The following LRRC3B variants were observed in gnomAD, a reference collection of about 807,000 sequenced individuals.
LRRC3B encodes the protein leucine rich repeat containing 3B, also known as leucine-rich repeat-containing protein 3B.
A neutral mutation model predicts 12.8 loss-of-function variants in LRRC3B; 2 were observed. The observed-to-expected ratio is 0.16, with a 90% CI of 0.06 to 0.49. The LOEUF (loss-of-function observed/expected upper bound fraction) is 0.49, where lower values mean the gene tolerates loss of function less well. Among genes scored for constraint, LRRC3B ranks in the 20% least tolerant of loss-of-function variants. LRRC3B has a pLI of 0.96. For synonymous variants in LRRC3B, 132 were observed against 122.0 expected (o/e 1.08, Z -0.54); for missense variants, 189 against 319.4 (o/e 0.59, Z 3.11).
intron 1 of LRRC3B, among the ~76,000 whole-genome samples, chr3:26,639,230 C>T (rs1226705946): frequency 1.3e-5 from 2 of 152,006 alleles, no homozygotes; most frequent in East Asian, 3.9e-4. Context: ...ATATACTTAA[C>T]CCAGTATATT....
intron 1 of LRRC3B, among the ~76,000 whole-genome samples, chr3:26,666,863 G>A (rs1055886681): frequency 6.6e-4 from 101 of 152,194 alleles, no homozygotes; most frequent in African/African-American, 2.2e-3. Context: ...GACCTTGACA[G>A]TTGTGAAGAG....
At position 26,636,967 on chromosome 3, in the gene LRRC3B, T is replaced by TC. The variant is rs1491456641; in HGVS notation, c.-161+13730_-161+13731insC. ...CTTTCTTTCTTTCTTTCTTTCTTTC[T>TC]TTCTTTCTCTCTCTCTCTTTCTCTC... is the stretch of plus-strand genomic sequence containing the variant. On this transcript the variant is annotated intron_variant, in intron 1 of 1. Transcript: ENST00000396641. 1.3e-3 allele frequency among the ~76,000 whole-genome samples: 150 copies of TC among 115,402 alleles called. 1 individual carries two copies. The highest frequency in any genetic ancestry group is 2.2e-3 in the Non-Finnish European group (128 of 57,478). 75.7% of individuals were successfully genotyped at this position (115,402 alleles called of 152,430 possible). A position where few individuals can be genotyped will look rare whatever the true frequency, so the allele number is the denominator to read the frequency against.
intron 1 of LRRC3B, among the ~76,000 whole-genome samples, chr3:26,628,806 G>A (rs763662945): frequency 3.4e-5 from 5 of 148,858 alleles, no homozygotes; most frequent in Non-Finnish European, 4.4e-5. Context: ...AATAGTAAGG[G>A]CCATTTAGTT....
chr3:26,698,159 G>A (rs17018559), intron 1 of LRRC3B, among the ~76,000 whole-genome samples: 18,685 of 152,142 alleles, frequency 0.12, 1,437 homozygotes, highest in Non-Finnish European at 0.17. Flanking sequence ...ACTAGGAGTG[G>A]TAGTAGCAGT....
chr3:26,627,645 C>T (rs1450898700), intron 1 of LRRC3B, among the ~76,000 whole-genome samples: 3 of 152,022 alleles, frequency 2.0e-5, no homozygotes, highest in Non-Finnish European at 4.4e-5. Context: ...TTCCTACCCT[C>T]GACCTCAGTC....
chr3:26,702,447 GCTATT>G (rs1441980967), intron 1 of LRRC3B, among the ~76,000 whole-genome samples: 1 of 151,868 alleles, frequency 6.6e-6, no homozygotes. Context: ...AATCAGGAAA[GCTATT>G]CTACAGTGTA....
intron 1 of LRRC3B, among the ~76,000 whole-genome samples, chr3:26,682,513 A>G (rs1318628570): frequency 6.6e-6 from 1 of 152,188 alleles, no homozygotes; most frequent in Non-Finnish European, 1.5e-5. Flanking sequence ...AGTTATTCAT[A>G]ACTACATTTC....
At chr3:26,651,640 A>G (rs970412498) in intron 1 of LRRC3B, among the ~76,000 whole-genome samples, 1 of 152,232 alleles carries the variant, frequency 6.6e-6, no homozygotes, top group African/African-American at 2.4e-5. Context: ...GTAGTAACAT[A>G]TTCTGAAGAG....
In LRRC3B at chr3:26,636,916, CTCTTTCTTTCTTTCTTTCTT is replaced by C. The variant is rs559017147; in HGVS notation, c.-161+13719_-161+13738del. On this transcript the variant is annotated intron_variant, in intron 1 of 1. Transcript: ENST00000396641. ...TCTCTCTCTCTCTTTCTCTCTTTCT[CTCTTTCTTTCTTTCTTTCTT>C]TCTTTCTTTCTTTCTTTCTTTCTTT... 1.6e-3 allele frequency among the ~76,000 whole-genome samples: 114 copies of C among 71,094 alleles called. 1 individual carries two copies. Among genetic ancestry groups the C allele is most frequent in the South Asian group, 2.7e-3 (4 of 1,486 alleles). 46.6% of individuals were successfully genotyped at this position (71,094 alleles called of 152,430 possible).
chr3:26,695,998 G>T (rs1700306254), intron 1 of LRRC3B, among the ~76,000 whole-genome samples: 1 of 152,132 alleles, frequency 6.6e-6, no homozygotes, highest in South Asian at 2.1e-4. Context: ...TTCCCATTTT[G>T]TTATCAGCTG....
At chr3:26,710,530 T>C in exon 2 of LRRC3B, 1 of 1,381,498 alleles carries the variant, frequency 7.2e-7, no homozygotes, top group South Asian at 1.5e-5. Flanking sequence ...ACTTCTCCCA[T>C]CCATTGTAAA....
At chr3:26,625,366 G>C (rs1311762196) in intron 1 of LRRC3B, 4 of 152,236 alleles carry the variant, frequency 2.6e-5, no homozygotes, top group African/African-American at 9.6e-5. Context: ...CTGCCTAGCG[G>C]TGGCAAACTC....
At chr3:26,677,226 TATC>T (rs985200201) in intron 1 of LRRC3B, among the ~76,000 whole-genome samples, 2 of 152,114 alleles carry the variant, frequency 1.3e-5, no homozygotes, top group African/African-American at 2.4e-5. Flanking sequence ...ATAAGGCACT[TATC>T]ATACAAGGAA....
At chr3:26,706,789 A>G (rs73059384) in intron 1 of LRRC3B, among the ~76,000 whole-genome samples, 45,040 of 152,102 alleles carry the variant, frequency 0.3, 7,218 homozygotes, top group Middle Eastern at 0.41. Flanking sequence ...GAGCCTGAAC[A>G]TATATGACTT....
intron 1 of LRRC3B, among the ~76,000 whole-genome samples, chr3:26,705,266 G>C (rs1009432378): frequency 2.0e-5 from 3 of 152,058 alleles, no homozygotes; most frequent in African/African-American, 7.2e-5. Flanking sequence ...TGGATGGCAA[G>C]AAAATATGAG....
At chr3:26,632,414 A>C (rs1698775954) in intron 1 of LRRC3B, among the ~76,000 whole-genome samples, 1 of 152,182 alleles carries the variant, frequency 6.6e-6, no homozygotes, top group Non-Finnish European at 1.5e-5. Flanking sequence ...CTCAAAGTTC[A>C]AGGAAGCTGA....
chr3:26,675,717 C>G (rs1001705840), intron 1 of LRRC3B, among the ~76,000 whole-genome samples: 5 of 152,120 alleles, frequency 3.3e-5, no homozygotes, highest in African/African-American at 1.2e-4. Flanking sequence ...TAAATAATTA[C>G]AGCGTAGTTA....
At chr3:26,638,717 A>G (rs1386713122) in intron 1 of LRRC3B, among the ~76,000 whole-genome samples, 1 of 152,248 alleles carries the variant, frequency 6.6e-6, no homozygotes. Context: ...CCTTTATTCA[A>G]AATAGTGTTG....
chr3:26,656,355 A>G (rs1435518455), intron 1 of LRRC3B, among the ~76,000 whole-genome samples: 1 of 152,102 alleles, frequency 6.6e-6, no homozygotes, highest in East Asian at 1.9e-4. Flanking sequence ...GTGGTGGTAA[A>G]GTGGGAGGGG....
Sources: gnomAD v4.1 joint callset for allele counts (sites outside exome capture counted in the v4.1 genomes callset) on GRCh38, gnomAD v4.1.1 for gene constraint, MANE v1.5 for transcripts, NCBI Gene and HGNC (gene_info 2026-07-23, HGNC 2026-07-21) for gene names.